Variants in PACS2 observed in about 807,000 individuals in gnomAD.
PACS2 encodes phosphofurin acidic cluster sorting protein 2, also known as PACS1-like protein.
A neutral mutation model predicts 113.0 loss-of-function variants in PACS2; 36 were observed. The observed-to-expected ratio is 0.32, with a 90% confidence interval of 0.24 to 0.42. PACS2 has a LOEUF of 0.42. PACS2 is among the 10% of genes least tolerant of loss of function. The probability of loss-of-function intolerance (pLI) is 1.00; values close to 1 mark genes in which losing one functional copy is unlikely to be tolerated. For synonymous variants in PACS2, 589 were observed against 536.1 expected, an observed-to-expected ratio of 1.10 and a Z score of -1.36; for missense variants, 1,015 against 1,239.5, an observed-to-expected ratio of 0.82 and a Z score of 2.72.
chr14:105,348,865 C>T lies in PACS2; in HGVS notation c.207+285C>T, dbSNP rs1266847766. 5.4e-6 allele frequency: 2 copies of T among 369,974 alleles called. No individual in the cohort carries two copies. The highest frequency in any genetic ancestry group is 1.0e-5 in the Non-Finnish European group (2 of 200,026). The allele number at this position is 369,974 out of a possible 1,614,324, so 22.9% of individuals were successfully genotyped here. ...AGTCACCTCACAGTGATGGACGGGC[C>T]CCAAGCACCTGGAGCCAGGGCTTCC... On this transcript the variant is annotated intron_variant, in intron 2 of 24. Transcript: ENST00000447393. The surrounding 1 kb of genome is among the most constrained non-coding windows in gnomAD (Gnocchi z 6.4).
chr14:105,380,128 G>A lies in PACS2; in HGVS notation c.1099G>A (p.Asp367Asn), dbSNP rs782010997. 9.0e-6 allele frequency: 14 copies of A among 1,552,706 alleles called. No homozygotes were observed. The highest frequency in any genetic ancestry group is 2.0e-5 in the Admixed American group (1 of 51,208). The change falls in exon 11 of 25, where the codon GAC (aspartate) becomes AAC (asparagine). Residue 367 changes from aspartate to asparagine, a missense_variant. By Grantham distance (23) the Asp-to-Asn change is conservative. Transcript: ENST00000447393. The part of the protein sequence containing the change: ...TRSLGGRQPS[D>N]SVSDTVALGV... ...GTCCCTGGGAGGCAGGCAGCCGAGC[G>A]ACAGTGTCTCTGACACGGTGGCCCT...
At chr14:105,368,768 G>A (rs1278340345) in intron 7 of PACS2, among the ~76,000 whole-genome samples, 1 of 152,188 alleles carries the variant, frequency 6.6e-6, no homozygotes, top group Non-Finnish European at 1.5e-5. Context: ...AGGCTCAGTG[G>A]GCCCTGAGCA....
intron 21 of PACS2, 119 bp from the exon 22 acceptor site, chr14:105,391,512 T>TGCCCCCCCCCCCCCCCC: frequency 6.5e-6 from 4 of 611,292 alleles, no homozygotes; most frequent in East Asian, 2.9e-5. Context: ...CACTGGGGAC[T>TGCCCCCCCCCCCCCCCC]CCCACCCTGC....
intron 1 of PACS2, among the ~76,000 whole-genome samples, chr14:105,331,327 T>G (rs1251562418): frequency 3.3e-5 from 5 of 152,220 alleles, no homozygotes; most frequent in Admixed American, 1.3e-4. Flanking sequence ...TTCCTGTCAT[T>G]TTGATCATTT....
Position 105,356,589 on chromosome 14 carries a change from C to T in PACS2, c.423+1412C>T, listed in dbSNP as rs369605463. On this transcript the variant is annotated intron_variant, in intron 4 of 24. Coordinates refer to ENST00000447393, the MANE Select transcript of PACS2 (RefSeq NM_001100913.3). The surrounding 1 kb of genome is among the most constrained non-coding windows in gnomAD (Gnocchi z 4.0). ...GCTGTGAGAGCCTCCTGGGAGCCAC[C>T]GCTTGCTTCCTGTGGAGCAGGAGGG... 1.1e-4 allele frequency among the ~76,000 whole-genome samples: 16 copies of T among 152,306 alleles called. No individual in the cohort carries two copies. The highest frequency in any genetic ancestry group is 2.6e-4 in the African/African-American group (11 of 41,552).
rs1246285179 is a variant in PACS2 at position 105,355,038 on chromosome 14, A to C, written c.298-14A>C. ...CGGTGCACCCTCAGCTGCCACTCGC[A>C]CTTGTGCCCACAGTATCCTCACTTC... On this transcript the variant is annotated splice_polypyrimidine_tract_variant and intron_variant, in intron 3 of 24. Transcript: ENST00000447393. The surrounding 1 kb of genome is among the most constrained non-coding windows in gnomAD (Gnocchi z 4.1). 6.2e-7 allele frequency: 1 copy of C among 1,611,796 alleles called. No homozygotes were observed. The highest frequency in any genetic ancestry group is 1.3e-5 in the African/African-American group (1 of 74,886).
At chr14:105,364,525 G>A (rs1426062613) in intron 4 of PACS2, among the ~76,000 whole-genome samples, 3 of 150,372 alleles carry the variant, frequency 2.0e-5, no homozygotes, top group Non-Finnish European at 4.4e-5. Flanking sequence ...CTGGGTGCGC[G>A]GTGGGCGGCA....
rs180755998 is a variant in PACS2, at chr14:105,392,364, T to G, written c.2256-255T>G. On this transcript the variant is annotated intron_variant, in intron 22 of 24. Coordinates refer to ENST00000447393, the MANE Select transcript of PACS2 (RefSeq NM_001100913.3). The stretch of plus-strand genomic sequence containing the variant: ...GCCCTCACGACTCCAAGGGGCAGCT[T>G]GGAGAGCAGGTGGACAGGCCTCCCA... 10 of 537,600 alleles carry G rather than the reference T, an allele frequency of 1.9e-5. No homozygotes were observed. The African/African-American group carries it at 1.9e-4, about 10-fold the overall frequency. The allele number at this position is 537,600 out of a possible 1,614,324, so 33.3% of individuals were successfully genotyped here.
intron 9 of PACS2, among the ~76,000 whole-genome samples, chr14:105,378,299 C>T (rs938462147): frequency 6.6e-6 from 1 of 152,192 alleles, no homozygotes; most frequent in Non-Finnish European, 1.5e-5. Flanking sequence ...GTGTGCGTCT[C>T]GGGGCTATGA....
At chr14:105,386,487 A>G (rs757507505) in intron 19 of PACS2, among the ~76,000 whole-genome samples, 25 of 152,202 alleles carry the variant, frequency 1.6e-4, no homozygotes, top group Non-Finnish European at 2.4e-4. Context: ...TTTCATGTTC[A>G]GAGCCAAGTC....
chr14:105,354,802 G>A lies in PACS2; in HGVS notation c.298-250G>A, dbSNP rs117346086. On this transcript the variant is annotated intron_variant, in intron 3 of 24. Coordinates refer to ENST00000447393, the MANE Select transcript of PACS2 (RefSeq NM_001100913.3). The surrounding 1 kb of genome is among the most constrained non-coding windows in gnomAD (Gnocchi z 4.2). ...TTGTCCACCTGCCATGGCTGTTAGC[G>A]TGGCGCGGAGCCCTCAGGGCCTGAG... Among the ~76,000 whole-genome samples the A allele has an allele frequency of 3.0e-3, 453 of 152,362 alleles. 1 individual carries two copies. The highest frequency in any genetic ancestry group is 0.01 in the Middle Eastern group (3 of 294).
rs191402536 is a variant in PACS2 at position 105,355,416 on chromosome 14, G to T, written c.423+239G>T. 3.3e-5 allele frequency among the ~76,000 whole-genome samples: 5 copies of T among 152,238 alleles called. No homozygotes were observed. The highest frequency in any genetic ancestry group is 1.2e-4 in the African/African-American group (5 of 41,466). ...GCTCCCCGCATGCCTGCAGCCGCGC[G>T]CACTCCCCTCTAACGAGCCTGTCCT... On this transcript the variant is annotated intron_variant, in intron 4 of 24. Transcript: ENST00000447393. The surrounding 1 kb of genome is among the most constrained non-coding windows in gnomAD (Gnocchi z 4.1).
At chr14:105,389,467 C>A (rs991234019) in intron 19 of PACS2, 28 of 177,118 alleles carry the variant, frequency 1.6e-4, no homozygotes, top group Non-Finnish European at 3.4e-4. Flanking sequence ...GAGAAAACTT[C>A]TGCACCCTGG....
intron 1 of PACS2, among the ~76,000 whole-genome samples, chr14:105,327,324 T>C (rs1170499129): frequency 2.0e-5 from 3 of 152,134 alleles, no homozygotes; most frequent in African/African-American, 4.8e-5. Flanking sequence ...GCCAGGTCAG[T>C]GCCTGCCGCT....
In PACS2 at chr14:105,376,175, C is replaced by T. The variant is rs2061346438; in HGVS notation, c.802-593C>T. Among the ~76,000 whole-genome samples the T allele has an allele frequency of 6.6e-6, 1 of 151,996 alleles. No homozygotes were observed. The highest frequency in any genetic ancestry group is 2.1e-4 in the South Asian group (1 of 4,818). ...ACCTCCACTTGTCCTGCCCTTGGCA[C>T]GTGGGGCTTATGGGGATTACAATTC... On this transcript the variant is annotated intron_variant, in intron 8 of 24. Coordinates refer to ENST00000447393, the MANE Select transcript of PACS2 (RefSeq NM_001100913.3). This position sits in a 1 kb window ranked among gnomAD's most constrained non-coding sequence, Gnocchi z 4.7.
At chr14:105,388,293 CAG>C (rs1359821031) in intron 19 of PACS2, among the ~76,000 whole-genome samples, 2 of 152,252 alleles carry the variant, frequency 1.3e-5, no homozygotes, top group Non-Finnish European at 2.9e-5. Context: ...GCTGCGAAGA[CAG>C]GGAAGGCACC....
At chr14:105,390,267 C>T (rs587747782) in intron 20 of PACS2, 38 of 519,930 alleles carry the variant, frequency 7.3e-5, no homozygotes, top group Middle Eastern at 5.4e-4. Flanking sequence ...GGGGCGAGGC[C>T]TCAGAACACC....
chr14:105,364,839 G>A (rs979383080), intron 4 of PACS2, among the ~76,000 whole-genome samples: 15 of 151,758 alleles, frequency 9.9e-5, no homozygotes, highest in Non-Finnish European at 1.8e-4. Context: ...GGGACTACAG[G>A]TGCGCACCAC....
chr14:105,391,416 TG>T, intron 21 of PACS2, 167 bp downstream of exon 21: 1 of 665,024 alleles, frequency 1.5e-6, no homozygotes. Flanking sequence ...CTCCAAGGAC[TG>T]CTGTCACAAA....
Sources: allele counts gnomAD v4.1 joint callset (sites outside exome capture counted in the v4.1 genomes callset), GRCh38; gene constraint gnomAD v4.1.1; non-coding constraint Gnocchi (gnomAD v3.1); transcripts MANE v1.5; gene names NCBI Gene and HGNC (gene_info 2026-07-23, HGNC 2026-07-21).